Variants in EFCAB8 observed in about 807,000 individuals in gnomAD.
EFCAB8 encodes EF-hand calcium-binding domain-containing protein 8.
In EFCAB8, 100 loss-of-function variants were observed where a neutral mutation model predicts 116.3. The ratio of observed to expected loss-of-function variants is 0.86; its 90% CI spans 0.73 to 1.02. EFCAB8 has a LOEUF of 1.02. EFCAB8 is among the 50% of genes least tolerant of loss of function. The pLI is 0.00. For missense variants in EFCAB8, 1,320 were observed against 1,416.9 expected (o/e 0.93, Z 1.10); for synonymous variants, 558 against 567.9 (o/e 0.98, Z 0.25).
At chr20:32,888,189 A>G (rs145935812) in intron 6 of EFCAB8, among the ~76,000 whole-genome samples, 2,016 of 150,678 alleles carry the variant, frequency 0.013, 39 homozygotes, top group African/African-American at 0.046. Context: ...TCAGCCTCCC[A>G]AGTAGCTGGG....
chr20:32,914,176 C>T (rs372955771), intron 17 of EFCAB8, among the ~76,000 whole-genome samples: 19 of 152,364 alleles, frequency 1.2e-4, no homozygotes, highest in African/African-American at 4.6e-4. Context: ...GTACCATGGT[C>T]CACAGGAGCC....
chr20:32,944,507 A>G (rs538343532), intron 23 of EFCAB8, among the ~76,000 whole-genome samples: 12 of 152,294 alleles, frequency 7.9e-5, no homozygotes, highest in Admixed American at 4.6e-4. Flanking sequence ...ATGTGCCACT[A>G]TTACAGTATT....
At chr20:32,896,405 G>A (rs1243875512) in intron 9 of EFCAB8, 49 bp from the exon 10 acceptor site, 4 of 710,750 alleles carry the variant, frequency 5.6e-6, no homozygotes. Flanking sequence ...TGCTTGCCAA[G>A]CGAAGGGGGA....
chr20:32,941,596 A>G (rs556611865), intron 22 of EFCAB8, among the ~76,000 whole-genome samples: 1 of 152,334 alleles, frequency 6.6e-6, no homozygotes, highest in Non-Finnish European at 1.5e-5. Context: ...TACTGTGCTA[A>G]GTGAAAGAAG....
chr20:32,957,054 A>G (rs1482406829), intron 23 of EFCAB8, among the ~76,000 whole-genome samples: 2 of 150,986 alleles, frequency 1.3e-5, no homozygotes, highest in Non-Finnish European at 3.0e-5. Flanking sequence ...TTGCTATTAA[A>G]TCTATTGAAT....
At chr20:32,861,102 C>T (rs80003548) in intron 1 of EFCAB8, among the ~76,000 whole-genome samples, 3,265 of 152,118 alleles carry the variant, frequency 0.021, 63 homozygotes, top group East Asian at 0.12. Context: ...TCAGATTCAT[C>T]CTTCTGATGT....
At chr20:32,868,531 A>G (rs1468233758) in intron 3 of EFCAB8, among the ~76,000 whole-genome samples, 2 of 152,192 alleles carry the variant, frequency 1.3e-5, no homozygotes, top group Non-Finnish European at 2.9e-5. Flanking sequence ...ATTTTCTTCC[A>G]GTTTCATATG....
chr20:32,904,019 GT>G (rs952339046), intron 11 of EFCAB8, among the ~76,000 whole-genome samples: 2 of 149,900 alleles, frequency 1.3e-5, no homozygotes, highest in Middle Eastern at 3.5e-3. Context: ...GATTTTTTGG[GT>G]TTTTTTTTTC....
Position 32,934,954 on chromosome 20 carries a change from G to A in EFCAB8, c.2790+3618G>A, listed in dbSNP as rs555131922. Among the ~76,000 whole-genome samples the A allele has an allele frequency of 7.2e-5, 11 of 152,032 alleles. No individual in the cohort carries two copies. The East Asian group carries it at 2.1e-3, about 29-fold the overall frequency. ...TACATTCCCTCCAACATTGTACAAG[G>A]GTTTTCTTTTTTCTGCCTCCTCACC... On this transcript the variant is annotated intron_variant, in intron 22 of 26. Coordinates refer to ENST00000400522, the MANE Select transcript of EFCAB8 (RefSeq NM_001143967.2).
chr20:32,898,466 C>CT (rs1411970921), intron 10 of EFCAB8, 27 bp from the exon 11 acceptor site: 5 of 711,780 alleles, frequency 7.0e-6, no homozygotes, highest in Non-Finnish European at 1.3e-5. Flanking sequence ...TGGGTGGAGT[C>CT]TCCCACCATT....
chr20:32,874,151 G>C lies in EFCAB8; in HGVS notation c.209-1775G>C, dbSNP rs1193811761. On this transcript the variant is annotated intron_variant, in intron 3 of 26. Transcript: ENST00000400522. ...GCCCAGCCTGGTCTCAAACTCCTGG[G>C]CTCAAGCCTTCTGCCCACCTCAGCC... is the stretch of plus-strand genomic sequence containing the variant. 2.3e-3 allele frequency among the ~76,000 whole-genome samples: 350 copies of C among 151,220 alleles called. 2 individuals carry two copies. The highest frequency in any genetic ancestry group is 8.2e-3 in the African/African-American group (336 of 40,996).
intron 20 of EFCAB8, among the ~76,000 whole-genome samples, chr20:32,923,656 G>A (rs1258804273): frequency 2.0e-5 from 3 of 152,102 alleles, no homozygotes; most frequent in African/African-American, 2.4e-5. Context: ...ATGTATGAAT[G>A]TATATATATA....
intron 23 of EFCAB8, among the ~76,000 whole-genome samples, chr20:32,948,636 C>T (rs978439142): frequency 6.6e-6 from 1 of 151,800 alleles, no homozygotes; most frequent in Admixed American, 6.6e-5. Context: ...AGCATAAATA[C>T]AAAATATCTT....
chr20:32,939,149 TTCTTTCTTTCTTTC>T (rs1289221128), intron 22 of EFCAB8, among the ~76,000 whole-genome samples: 4 of 64,614 alleles, frequency 6.2e-5, no homozygotes, highest in Non-Finnish European at 1.3e-4. Flanking sequence ...CTTTCTTTCT[TTCTTTCTTTCTTTC>T]TTTCTTTCTT....
intron 13 of EFCAB8, among the ~76,000 whole-genome samples, chr20:32,907,700 C>T (rs955165493): frequency 5.3e-5 from 8 of 152,212 alleles, no homozygotes; most frequent in Non-Finnish European, 1.2e-4. Context: ...CTGGGATCAT[C>T]GCCTCTGATG....
intron 11 of EFCAB8, among the ~76,000 whole-genome samples, chr20:32,906,024 A>G (rs1986659340): frequency 6.6e-6 from 1 of 152,034 alleles, no homozygotes; most frequent in African/African-American, 2.4e-5. Flanking sequence ...TCCCTAGCGC[A>G]GGGCAGTTCT....
chr20:32,926,758 G>A (rs2146268674), intron 20 of EFCAB8, among the ~76,000 whole-genome samples: 1 of 143,742 alleles, frequency 7.0e-6, no homozygotes, highest in South Asian at 2.3e-4. Flanking sequence ...AGAATATGCG[G>A]TGTTTGGTTT....
At chr20:32,874,756 CCTTT>C (rs1392378175) in intron 3 of EFCAB8, among the ~76,000 whole-genome samples, 1 of 151,466 alleles carries the variant, frequency 6.6e-6, no homozygotes, top group African/African-American at 2.4e-5. Context: ...TTTCTTTCTT[CCTTT>C]CTTTCTGACA....
Position 32,892,358 on chromosome 20 carries a change from G to A in EFCAB8, c.758+61G>A, listed in dbSNP as rs113763775. 212 of 1,493,874 alleles carry A rather than the reference G, an allele frequency of 1.4e-4. 1 individual carries two copies. The African/African-American group carries it at 1.7e-3, about 12-fold the overall frequency. 92.5% of individuals were successfully genotyped at this position (1,493,874 alleles called of 1,614,324 possible). On this transcript the variant is annotated intron_variant, in intron 8 of 26. Coordinates refer to ENST00000400522, the MANE Select transcript of EFCAB8 (RefSeq NM_001143967.2). The stretch of plus-strand genomic sequence containing the variant: ...GAGGCCCAGGCCTCCTGCAGCAGCC[G>A]CATCACTGACTAGGGTTGGGGCCCC...
Sources: allele counts gnomAD v4.1 joint callset (sites outside exome capture counted in the v4.1 genomes callset), GRCh38; gene constraint gnomAD v4.1.1; transcripts MANE v1.5; gene names NCBI Gene and HGNC (gene_info 2026-07-23, HGNC 2026-07-21).